Variants in DGKB observed in about 807,000 individuals in gnomAD.
DGKB encodes the protein 90 kDa diacylglycerol kinase.
A neutral mutation model predicts 114.3 loss-of-function variants in DGKB; 67 were observed. The ratio of observed to expected loss-of-function variants is 0.59; its 90% CI spans 0.48 to 0.72. The LOEUF (loss-of-function observed/expected upper bound fraction) is 0.72, where lower values mean the gene tolerates loss of function less well. Among genes scored for constraint, DGKB ranks in the 30% least tolerant of loss-of-function variants. The pLI, the probability that DGKB is intolerant of heterozygous loss-of-function variation, is 0.00. For synonymous variants in DGKB, 398 were observed against 323.1 expected, an observed-to-expected ratio of 1.23 and a Z score of -2.49; for missense variants, 907 against 975.2, an observed-to-expected ratio of 0.93 and a Z score of 0.93.
At chr7:14,736,384 G>T (rs1414100752) in intron 4 of DGKB, among the ~76,000 whole-genome samples, 190 bp from the exon 5 acceptor site, 5 of 152,152 alleles carry the variant, frequency 3.3e-5, no homozygotes, top group African/African-American at 1.2e-4. Flanking sequence ...GGATATGTTT[G>T]TCTTACCTGT....
chr7:14,254,274 A>G (rs1795647469), intron 23 of DGKB, among the ~76,000 whole-genome samples: 1 of 152,346 alleles, frequency 6.6e-6, no homozygotes, highest in African/African-American at 2.4e-5. Flanking sequence ...CTTTCTTCAC[A>G]TCCTCAATCC....
At chr7:14,235,102 C>T (rs1034718472) in intron 23 of DGKB, among the ~76,000 whole-genome samples, 1 of 152,048 alleles carries the variant, frequency 6.6e-6, no homozygotes, top group African/African-American at 2.4e-5. Flanking sequence ...GGTATTAGAC[C>T]TGAGTACTAA....
At position 14,503,911 on chromosome 7, in the gene DGKB, GC is replaced by G. The variant is rs372941932; in HGVS notation, c.1771-25687del. 1.1e-4 allele frequency among the ~76,000 whole-genome samples: 16 copies of G among 152,286 alleles called. No individual in the cohort carries two copies. In the South Asian group the frequency reaches 2.5e-3, roughly 24 times the overall value. ...AATAGAAAGGAGGGGACAGATGGAA[GC>G]TAAACTAGCTATTAACAAGTTCCTG... On this transcript the variant is annotated intron_variant, in intron 20 of 25. Transcript: ENST00000402815.
chr7:14,517,787 A>T (rs1157346626), intron 20 of DGKB, among the ~76,000 whole-genome samples: 1 of 152,158 alleles, frequency 6.6e-6, no homozygotes, highest in African/African-American at 2.4e-5. Flanking sequence ...CAGAATGGCT[A>T]TCATTAAAAA....
In DGKB at chr7:14,863,938, A is replaced by G. The variant is rs1214471644; in HGVS notation, c.-187-22488T>C. Among the ~76,000 whole-genome samples, 3 of 152,012 alleles carry G rather than the reference A, an allele frequency of 2.0e-5. No individual in the cohort carries two copies. In the East Asian group the frequency reaches 5.8e-4, roughly 29 times the overall value. On this transcript the variant is annotated intron_variant, in intron 1 of 25. Coordinates refer to ENST00000402815, the MANE Select transcript of DGKB (RefSeq NM_001350709.2). ...AACATGGAGAAACCCCATCTCTACT[A>G]AAAATACAAAATTAGCCAGGCGTGG...
intron 4 of DGKB, among the ~76,000 whole-genome samples, chr7:14,742,463 T>C (rs1832715774): frequency 6.6e-6 from 1 of 152,182 alleles, no homozygotes; most frequent in Non-Finnish European, 1.5e-5. Context: ...AAATAAAAAG[T>C]CTTAAAGATT....
Position 14,557,503 on chromosome 7 carries a change from A to G in DGKB, c.1770+16709T>C, listed in dbSNP as rs7800953. Reference sequence around the variant, plus strand: ...TTTCCAAGTTGTTTTCTTTTTGTCAATTGCATCTTAACTTTCTATTTGTCT... The same window carrying G: ...TTTCCAAGTTGTTTTCTTTTTGTCAGTTGCATCTTAACTTTCTATTTGTCT... On this transcript the variant is annotated intron_variant, in intron 20 of 25. Coordinates refer to ENST00000402815, the MANE Select transcript of DGKB (RefSeq NM_001350709.2). 4.6e-3 allele frequency among the ~76,000 whole-genome samples: 694 copies of G among 151,836 alleles called. 5 individuals are homozygous for G. Among genetic ancestry groups the G allele is most frequent in the African/African-American group, 0.016 (662 of 41,434 alleles).
intron 13 of DGKB, among the ~76,000 whole-genome samples, chr7:14,644,748 A>G (rs62445641): frequency 0.043 from 6,603 of 152,316 alleles, 185 homozygotes; most frequent in African/African-American, 0.081. Flanking sequence ...GGGAGTTCCA[A>G]AAAGAAAAGA....
chr7:14,287,388 A>G, intron 23 of DGKB, among the ~76,000 whole-genome samples: 1 of 152,028 alleles, frequency 6.6e-6, no homozygotes. Flanking sequence ...TTGTGATGCT[A>G]CTTTTTCTTA....
At chr7:14,620,175 A>T (rs1222710824) in intron 15 of DGKB, among the ~76,000 whole-genome samples, 1 of 151,464 alleles carries the variant, frequency 6.6e-6, no homozygotes, top group Non-Finnish European at 1.5e-5. Flanking sequence ...CAAAATGTAC[A>T]TCTTGATTTA....
chr7:14,861,484 G>GA (rs1303210919), intron 1 of DGKB, among the ~76,000 whole-genome samples: 5 of 151,670 alleles, frequency 3.3e-5, no homozygotes, highest in African/African-American at 9.7e-5. Flanking sequence ...GTACATATAG[G>GA]AAATGTATAG....
At chr7:14,351,594 A>AT (rs769273678) in intron 21 of DGKB, among the ~76,000 whole-genome samples, 19 of 151,492 alleles carry the variant, frequency 1.3e-4, no homozygotes, top group African/African-American at 2.4e-4. Flanking sequence ...TCAGCAATTT[A>AT]TTTTTTTTTG....
chr7:14,316,416 A>G (rs1225157061), intron 23 of DGKB, among the ~76,000 whole-genome samples: 1 of 122,310 alleles, frequency 8.2e-6, no homozygotes, highest in African/African-American at 3.2e-5. Context: ...AAGAGAGAAG[A>G]ATCAAATAGA....
At chr7:14,523,354 T>C (rs1790095033) in intron 20 of DGKB, among the ~76,000 whole-genome samples, 1 of 152,162 alleles carries the variant, frequency 6.6e-6, no homozygotes, top group Non-Finnish European at 1.5e-5. Context: ...ATGAAATGAC[T>C]ACATTATTTC....
intron 1 of DGKB, among the ~76,000 whole-genome samples, chr7:14,877,162 A>G (rs1463038940): frequency 3.9e-5 from 6 of 152,186 alleles, no homozygotes; most frequent in Non-Finnish European, 8.8e-5. Context: ...TCTCTTTTTA[A>G]TCTCAGAGAA....
chr7:14,313,465 C>T (rs1023470883), intron 23 of DGKB, among the ~76,000 whole-genome samples: 22 of 152,198 alleles, frequency 1.4e-4, no homozygotes, highest in Non-Finnish European at 2.1e-4. Flanking sequence ...ACTCGGGAAG[C>T]GCAAGGGGTC....
At chr7:14,298,201 A>G (rs1184647534) in intron 23 of DGKB, among the ~76,000 whole-genome samples, 2 of 152,166 alleles carry the variant, frequency 1.3e-5, no homozygotes. Flanking sequence ...ATTAGAAAAA[A>G]CTACTTCAAA....
At chr7:14,660,643 A>G (rs1331316102) in intron 13 of DGKB, among the ~76,000 whole-genome samples, 1 of 151,610 alleles carries the variant, frequency 6.6e-6, no homozygotes, top group Non-Finnish European at 1.5e-5. Flanking sequence ...CGGTTTATCA[A>G]TTTTGATGCC....
intron 20 of DGKB, among the ~76,000 whole-genome samples, chr7:14,524,613 G>T (rs1260863483): frequency 6.6e-6 from 1 of 151,910 alleles, no homozygotes; most frequent in East Asian, 1.9e-4. Context: ...AAAGTCAGCT[G>T]GGCATGGTGG....
Sources: allele counts gnomAD v4.1 joint callset (sites outside exome capture counted in the v4.1 genomes callset), GRCh38; gene constraint gnomAD v4.1.1; transcripts MANE v1.5; gene names NCBI Gene and HGNC (gene_info 2026-07-23, HGNC 2026-07-21).